R3HCC1L: variants seen among roughly 807,000 people sequenced by gnomAD.
R3HCC1L encodes the protein R3H domain and coiled-coil containing 1 like.
Under a neutral mutation model 59.9 loss-of-function variants are expected in R3HCC1L, and 51 were observed. The ratio of observed to expected loss-of-function variants is 0.85; its 90% confidence interval spans 0.68 to 1.07. The LOEUF is 1.07. R3HCC1L is among the 50% of genes least tolerant of loss of function. The pLI, the probability that R3HCC1L is intolerant of heterozygous loss-of-function variation, is 0.00. For missense variants in R3HCC1L, 965 were observed against 933.0 expected (o/e 1.03, Z -0.45); for synonymous variants, 322 against 315.2 (o/e 1.02, Z -0.23).
chr10:98,230,897 C>A, intron 5 of R3HCC1L: 1 of 168,636 alleles, frequency 5.9e-6, no homozygotes, highest in Non-Finnish European at 1.3e-5. Flanking sequence ...TTTATTAATT[C>A]CTTCACTAGC....
intron 4 of R3HCC1L, among the ~76,000 whole-genome samples, chr10:98,186,159 A>G (rs936629638): frequency 6.6e-6 from 1 of 152,176 alleles, no homozygotes; most frequent in Non-Finnish European, 1.5e-5. Flanking sequence ...ATTATCGTTT[A>G]TGTATGGCCC....
At chr10:98,195,187 A>AT (rs1401814988) in intron 4 of R3HCC1L, among the ~76,000 whole-genome samples, 1 of 152,190 alleles carries the variant, frequency 6.6e-6, no homozygotes, top group Non-Finnish European at 1.5e-5. Context: ...CCTTCAGGAC[A>AT]TTTTGCTAAG....
rs1277935354 is a variant in R3HCC1L at position 98,168,333 on chromosome 10, T to G, written c.-15+4936T>G. ...GTCGGTGAGCTGTGTGGTTACCTTGTCAGTGGAGTGTGAAAAAGACTAAGC... is the reference window on the plus strand; with the variant it reads ...GTCGGTGAGCTGTGTGGTTACCTTGGCAGTGGAGTGTGAAAAAGACTAAGC... On this transcript the variant is annotated intron_variant, in intron 4 of 9. Transcript: ENST00000298999. Among the ~76,000 whole-genome samples the G allele has an allele frequency of 2.0e-5, 3 of 152,166 alleles. No homozygotes were observed. The East Asian group carries it at 5.8e-4, about 29-fold the overall frequency.
chr10:98,155,362 A>T (rs1564624620), intron 1 of R3HCC1L, among the ~76,000 whole-genome samples: 1 of 152,034 alleles, frequency 6.6e-6, no homozygotes, highest in Non-Finnish European at 1.5e-5. Flanking sequence ...ATTTGCTTAA[A>T]TTTTTTTTAT....
intron 1 of R3HCC1L, among the ~76,000 whole-genome samples, chr10:98,136,742 C>T (rs935809444): frequency 2.0e-5 from 3 of 151,606 alleles, no homozygotes; most frequent in Admixed American, 6.6e-5. Flanking sequence ...GAGGCTGAGG[C>T]GCGAGAATCG....
intron 4 of R3HCC1L, among the ~76,000 whole-genome samples, chr10:98,171,290 A>G (rs1040079879): frequency 2.0e-5 from 3 of 152,146 alleles, no homozygotes; most frequent in Non-Finnish European, 4.4e-5. Flanking sequence ...GACCTATACA[A>G]TCCCTTTCGG....
rs550851891 is a variant in R3HCC1L, at chr10:98,229,791, G to C, written c.1786-1721G>C. Among the ~76,000 whole-genome samples, 256 of 152,184 alleles carry C rather than the reference G, an allele frequency of 1.7e-3. 1 individual carries two copies. The highest frequency in any genetic ancestry group is 5.9e-3 in the African/African-American group (246 of 41,486). ...ATTTATTGAGAGTTTTTAGCATGAA[G>C]GGTTGTTGAATTTTGTCAAAGACCT... On this transcript the variant is annotated intron_variant, in intron 5 of 9. Transcript: ENST00000298999.
chr10:98,226,090 T>C (rs1273341208), intron 5 of R3HCC1L, among the ~76,000 whole-genome samples: 1 of 152,144 alleles, frequency 6.6e-6, no homozygotes, highest in Non-Finnish European at 1.5e-5. Flanking sequence ...TTTGCCTGCC[T>C]GGGCCTCCCA....
Position 98,208,895 on chromosome 10 carries a change from A to G in R3HCC1L, c.781A>G (p.Ser261Gly), listed in dbSNP as rs35373035. 1.3e-3 allele frequency: 2,066 copies of G among 1,614,186 alleles called. 26 individuals carry two copies. In the African/African-American group the frequency reaches 0.024, roughly 19 times the overall value. Residue 261 changes from serine to glycine, a missense_variant, in exon 5 of 10, where the codon AGC becomes GGC. Ser to Gly is a moderately conservative substitution (Grantham distance 56, BLOSUM62 0). Coordinates refer to ENST00000298999, the MANE Select transcript of R3HCC1L (RefSeq NM_001351015.2). ...ATCAGATGGAATATTGAATCCCAGC[A>G]GCGGAGGCATCACCACTACTTCTGT... ...QTSDGILNPSSGGITTTSVPG... is the reference protein window; with the variant it reads ...QTSDGILNPSGGGITTTSVPG...
At chr10:98,150,361 C>T (rs1846025326) in intron 1 of R3HCC1L, among the ~76,000 whole-genome samples, 1 of 152,160 alleles carries the variant, frequency 6.6e-6, no homozygotes, top group African/African-American at 2.4e-5. Context: ...TGTGGATGTG[C>T]ATCTGTATAT....
At position 98,242,183 on chromosome 10, in the gene R3HCC1L, A is replaced by G. The variant is rs1857596778; in HGVS notation, c.2270-1908A>G. ...AGCATGGCGAAACTCTGTCTCTACT[A>G]CATATACAAAAAAATTAGCCAGGCA... On this transcript the variant is annotated intron_variant, in intron 9 of 9. Coordinates refer to ENST00000298999, the MANE Select transcript of R3HCC1L (RefSeq NM_001351015.2). Among the ~76,000 whole-genome samples, 3 of 152,076 alleles carry G rather than the reference A, an allele frequency of 2.0e-5. No individual in the cohort carries two copies. The South Asian group carries it at 6.2e-4, about 32-fold the overall frequency.
At chr10:98,188,279 A>G (rs1173023063) in intron 4 of R3HCC1L, among the ~76,000 whole-genome samples, 1 of 152,210 alleles carries the variant, frequency 6.6e-6, no homozygotes, top group Non-Finnish European at 1.5e-5. Flanking sequence ...TGTAGGTATG[A>G]TTGTTAGTCA....
At chr10:98,241,241 G>A (rs1857505492) in intron 9 of R3HCC1L, among the ~76,000 whole-genome samples, 1 of 152,140 alleles carries the variant, frequency 6.6e-6, no homozygotes, top group African/African-American at 2.4e-5. Context: ...TGTTCTGTAT[G>A]TGACTACAGT....
Position 98,210,843 on chromosome 10 carries a change from C to T in R3HCC1L, c.1785+944C>T, listed in dbSNP as rs765140049. ...GGCATTCCAAAGACCCTTTTGAATA[C>T]TAAGTGATGAGTCTTTTGTTCTGAG... On this transcript the variant is annotated intron_variant, in intron 5 of 9. Coordinates refer to ENST00000298999, the MANE Select transcript of R3HCC1L (RefSeq NM_001351015.2). 9.9e-5 allele frequency among the ~76,000 whole-genome samples: 15 copies of T among 152,166 alleles called. No homozygotes were observed. In the East Asian group the frequency reaches 2.1e-3, roughly 21 times the overall value.
intron 4 of R3HCC1L, among the ~76,000 whole-genome samples, chr10:98,177,179 C>G (rs1001932656): frequency 6.6e-6 from 1 of 152,064 alleles, no homozygotes; most frequent in Admixed American, 6.6e-5. Flanking sequence ...ATCCCTCCCC[C>G]ATCACCCCAC....
At chr10:98,141,006 A>C (rs1845081085) in intron 1 of R3HCC1L, among the ~76,000 whole-genome samples, 2 of 152,188 alleles carry the variant, frequency 1.3e-5, no homozygotes, top group Non-Finnish European at 2.9e-5. Context: ...AATGAGGCCC[A>C]CATTTTTCAT....
intron 5 of R3HCC1L, among the ~76,000 whole-genome samples, chr10:98,228,004 C>T (rs975403221): frequency 4.6e-5 from 7 of 152,074 alleles, no homozygotes; most frequent in Non-Finnish European, 7.3e-5. Flanking sequence ...GGGTTGGTTC[C>T]GAGTCTTTCC....
chr10:98,212,970 G>A (rs1449247638), intron 5 of R3HCC1L, among the ~76,000 whole-genome samples: 1 of 152,140 alleles, frequency 6.6e-6, no homozygotes, highest in African/African-American at 2.4e-5. Flanking sequence ...TAATGGGTAA[G>A]AGAAGAGTAA....
chr10:98,137,628 AT>A (rs529423169), intron 1 of R3HCC1L, among the ~76,000 whole-genome samples: 4 of 151,968 alleles, frequency 2.6e-5, no homozygotes, highest in African/African-American at 4.8e-5. Flanking sequence ...ATTATATTAG[AT>A]TTTTTTTCAA....
Sources: allele counts gnomAD v4.1 joint callset (sites outside exome capture counted in the v4.1 genomes callset), GRCh38; gene constraint gnomAD v4.1.1; transcripts MANE v1.5; gene names NCBI Gene and HGNC (gene_info 2026-07-23, HGNC 2026-07-21).